SLC16A10: variants seen among roughly 807,000 people sequenced by gnomAD.
SLC16A10 encodes the protein monocarboxylate transporter 10.
Under a neutral mutation model 40.0 loss-of-function variants are expected in SLC16A10, and 27 were observed. The ratio of observed to expected loss-of-function variants is 0.67; its 90% CI spans 0.50 to 0.93. The LOEUF (loss-of-function observed/expected upper bound fraction) is 0.93, where lower values mean the gene tolerates loss of function less well. SLC16A10 is among the 40% of genes least tolerant of loss of function. SLC16A10 has a pLI of 0.00. For synonymous variants in SLC16A10, 213 were observed against 249.8 expected (o/e 0.85, Z 1.39); for missense variants, 529 against 658.2 (o/e 0.80, Z 2.15).
At chr6:111,159,192 C>T (rs449308) in intron 1 of SLC16A10, among the ~76,000 whole-genome samples, 2 of 151,692 alleles carry the variant, frequency 1.3e-5, no homozygotes, top group Admixed American at 1.3e-4. Flanking sequence ...CACTATCCCA[C>T]ATTTGCTTTA....
At chr6:111,150,109 G>A (rs1282760332) in intron 1 of SLC16A10, among the ~76,000 whole-genome samples, 1 of 152,222 alleles carries the variant, frequency 6.6e-6, no homozygotes, top group African/African-American at 2.4e-5. Context: ...TAAGAAGTGG[G>A]ACCTTTCAGA....
In SLC16A10 at chr6:111,146,596, C is replaced by T. The variant is rs1029623229; in HGVS notation, c.344-26099C>T. ...CTAAAAATACAAAAAATTAGCTGGG[C>T]GTGGTGGGGGGGCGCCTGTAGTCCC... On this transcript the variant is annotated intron_variant, in intron 1 of 5. Transcript: ENST00000368851. 3.3e-5 allele frequency among the ~76,000 whole-genome samples: 5 copies of T among 149,322 alleles called. No homozygotes were observed. The East Asian group carries it at 5.8e-4, about 17-fold the overall frequency.
At chr6:111,218,702 G>A (rs2114594556) in intron 4 of SLC16A10, 112 bp from the exon 5 acceptor site, 1 of 814,892 alleles carries the variant, frequency 1.2e-6, no homozygotes, top group African/African-American at 1.7e-5. Context: ...ATGAGGCAGT[G>A]GCAGGGGGGA....
intron 3 of SLC16A10, among the ~76,000 whole-genome samples, chr6:111,203,486 C>A (rs993672677): frequency 6.6e-6 from 1 of 151,760 alleles, no homozygotes; most frequent in African/African-American, 2.4e-5. Context: ...TTTAGGAAGC[C>A]GAAGCAGGCA....
intron 1 of SLC16A10, among the ~76,000 whole-genome samples, chr6:111,135,736 T>C (rs567569507): frequency 6.6e-6 from 1 of 152,354 alleles, no homozygotes; most frequent in African/African-American, 2.4e-5. Flanking sequence ...CCAGTTCTCA[T>C]ACCTGGATAT....
At chr6:111,123,550 T>A (rs1392841988) in intron 1 of SLC16A10, among the ~76,000 whole-genome samples, 1 of 152,216 alleles carries the variant, frequency 6.6e-6, no homozygotes, top group Non-Finnish European at 1.5e-5. Context: ...GGGCAAGACC[T>A]ACTGGCTAAG....
intron 3 of SLC16A10, among the ~76,000 whole-genome samples, chr6:111,180,266 A>G (rs763002935): frequency 1.6e-4 from 24 of 152,258 alleles, no homozygotes; most frequent in Non-Finnish European, 3.2e-4. Flanking sequence ...TTGCTCAGCC[A>G]GGCACAGTGG....
rs576797853 is a variant in SLC16A10, at chr6:111,224,457, T to C, written c.*2222T>C. On this transcript the variant is annotated 3_prime_UTR_variant, in exon 6 of 6. Transcript: ENST00000368851. ...AGAAATTGCTTGGTTAGTTTCCATA[T>C]TAAAACAGCAGTGACAAGTATATAT... 6 of 152,310 alleles carry C rather than the reference T, an allele frequency of 3.9e-5. No individual in the cohort carries two copies. The South Asian group carries it at 1.2e-3, about 32-fold the overall frequency. The allele number at this position is 152,310 out of a possible 1,614,324, so 9.4% of individuals were successfully genotyped here. A position where few individuals can be genotyped will look rare whatever the true frequency, so the allele number is the denominator to read the frequency against.
intron 4 of SLC16A10, among the ~76,000 whole-genome samples, chr6:111,210,980 A>G (rs899592807): frequency 1.3e-5 from 2 of 151,146 alleles, no homozygotes; most frequent in African/African-American, 4.9e-5. Flanking sequence ...CCGAGATCGC[A>G]CTACTGCACT....
chr6:111,162,475 C>G (rs1474875522), intron 1 of SLC16A10, among the ~76,000 whole-genome samples: 1 of 152,180 alleles, frequency 6.6e-6, no homozygotes, highest in African/African-American at 2.4e-5. Context: ...AAGTATGAGG[C>G]CAGTTTTCCC....
intron 1 of SLC16A10, among the ~76,000 whole-genome samples, chr6:111,163,146 A>ATT (rs34027805): frequency 2.8e-3 from 243 of 85,296 alleles, no homozygotes; most frequent in African/African-American, 6.5e-3. Flanking sequence ...CAACATAATA[A>ATT]TTTTTTTTTT....
intron 1 of SLC16A10, among the ~76,000 whole-genome samples, chr6:111,105,944 C>T (rs759802689): frequency 1.3e-5 from 2 of 152,160 alleles, no homozygotes; most frequent in African/African-American, 4.8e-5. Flanking sequence ...AGCCAAGACA[C>T]CTTTACCCTT....
At chr6:111,135,788 G>A (rs529986226) in intron 1 of SLC16A10, among the ~76,000 whole-genome samples, 2 of 152,170 alleles carry the variant, frequency 1.3e-5, no homozygotes, top group Non-Finnish European at 1.5e-5. Context: ...TTAGCCGCCC[G>A]TTCAGAAACC....
rs1772055152 is a variant in SLC16A10 at position 111,145,229 on chromosome 6, C to A, written c.344-27466C>A. 2.6e-5 allele frequency among the ~76,000 whole-genome samples: 4 copies of A among 152,046 alleles called. No homozygotes were observed. In the South Asian group the frequency reaches 6.2e-4, roughly 24 times the overall value. ...GACCAGCCTGGGTAACATGGCAAGACCCCATCTCTATCAAAAATTGAAAAA... is the reference window on the plus strand; with the variant it reads ...GACCAGCCTGGGTAACATGGCAAGAACCCATCTCTATCAAAAATTGAAAAA... On this transcript the variant is annotated intron_variant, in intron 1 of 5. Coordinates refer to ENST00000368851, the MANE Select transcript of SLC16A10 (RefSeq NM_018593.5).
At chr6:111,093,593 A>G (rs1000238793) in intron 1 of SLC16A10, among the ~76,000 whole-genome samples, 1 of 152,218 alleles carries the variant, frequency 6.6e-6, no homozygotes, top group South Asian at 2.1e-4. Context: ...ATTAACTGCT[A>G]TGTTTTGCCT....
At chr6:111,149,437 T>C (rs1393802178) in intron 1 of SLC16A10, among the ~76,000 whole-genome samples, 1 of 152,208 alleles carries the variant, frequency 6.6e-6, no homozygotes, top group Non-Finnish European at 1.5e-5. Flanking sequence ...TGTGAAGTCT[T>C]GTTCATCATA....
rs1380253086 is a variant in SLC16A10, at chr6:111,122,888, C to T, written c.343+34793C>T. Among the ~76,000 whole-genome samples, 12 of 152,280 alleles carry T rather than the reference C, an allele frequency of 7.9e-5. 1 individual carries two copies. In the East Asian group the frequency reaches 2.3e-3, roughly 29 times the overall value. On this transcript the variant is annotated intron_variant, in intron 1 of 5. Coordinates refer to ENST00000368851, the MANE Select transcript of SLC16A10 (RefSeq NM_018593.5). ...CTTAGTTGCTGACAGTCACTCATCC[C>T]CTGGAGAGGGGTACTGAGCATAATC...
chr6:111,213,534 G>C (rs932013494), intron 4 of SLC16A10, among the ~76,000 whole-genome samples: 3 of 152,100 alleles, frequency 2.0e-5, no homozygotes, highest in African/African-American at 7.2e-5. Flanking sequence ...AAGATATCTT[G>C]GGATGAGGGT....
intron 1 of SLC16A10, among the ~76,000 whole-genome samples, chr6:111,119,062 C>T (rs759475951): frequency 3.9e-5 from 6 of 152,156 alleles, no homozygotes; most frequent in Non-Finnish European, 8.8e-5. Context: ...AAGCAATGTG[C>T]CATACCTTTG....
Sources: gnomAD v4.1 joint callset for allele counts (sites outside exome capture counted in the v4.1 genomes callset) on GRCh38, gnomAD v4.1.1 for gene constraint, MANE v1.5 for transcripts, NCBI Gene and HGNC (gene_info 2026-07-23, HGNC 2026-07-21) for gene names.